LRP1B: variants seen among roughly 807,000 people sequenced by gnomAD.
LRP1B encodes the protein LDL receptor related protein 1B.
A neutral mutation model predicts 556.6 loss-of-function variants in LRP1B; 217 were observed. That is an observed-to-expected ratio of 0.39 (90% CI 0.35 to 0.44). LRP1B has a LOEUF of 0.44. Among genes scored for constraint, LRP1B ranks in the 20% least tolerant of loss-of-function variants. LRP1B has a pLI of 1.00. For missense variants in LRP1B, 5,053 were observed against 5,620.8 expected (o/e 0.90, Z 3.23); for synonymous variants, 2,047 against 1,865.8 (o/e 1.10, Z -2.50).
intron 1 of LRP1B, among the ~76,000 whole-genome samples, chr2:142,017,141 TAAG>T (rs1703174239): frequency 6.6e-6 from 1 of 151,826 alleles, no homozygotes; most frequent in Admixed American, 6.6e-5. Context: ...TTTAAAGAGG[TAAG>T]AAGGAGTAAT....
At chr2:140,701,933 A>G in intron 39 of LRP1B, 88 bp from the exon 40 acceptor site, 3 of 1,527,236 alleles carry the variant, frequency 2.0e-6, no homozygotes, top group Non-Finnish European at 2.7e-6. Context: ...CAGATGGACC[A>G]ACAGAAGGGA....
intron 1 of LRP1B, among the ~76,000 whole-genome samples, chr2:142,116,510 T>C (rs547104492): frequency 1.3e-5 from 2 of 152,180 alleles, no homozygotes; most frequent in South Asian, 2.1e-4. Flanking sequence ...GCAGTGAACA[T>C]TGCATCCTGG....
At chr2:141,624,813 A>T (rs1304144689) in intron 2 of LRP1B, among the ~76,000 whole-genome samples, 2 of 152,114 alleles carry the variant, frequency 1.3e-5, no homozygotes, top group African/African-American at 4.8e-5. Flanking sequence ...GCTGTCACCC[A>T]TGCTGGAGTG....
chr2:141,592,182 C>T (rs976916071), intron 2 of LRP1B, among the ~76,000 whole-genome samples: 5 of 152,118 alleles, frequency 3.3e-5, no homozygotes, highest in African/African-American at 1.2e-4. Flanking sequence ...GGCTTTCCTG[C>T]ATTTCATTTG....
intron 1 of LRP1B, among the ~76,000 whole-genome samples, chr2:142,028,662 GT>G (rs1703586180): frequency 6.6e-6 from 1 of 151,972 alleles, no homozygotes; most frequent in Admixed American, 6.6e-5. Context: ...GGTAACACAA[GT>G]TTAATTTCTC....
At chr2:140,592,772 C>A (rs188503427) in intron 43 of LRP1B, among the ~76,000 whole-genome samples, 27 of 152,098 alleles carry the variant, frequency 1.8e-4, no homozygotes, top group African/African-American at 6.5e-4. Context: ...AGACCCCCAT[C>A]ACTACTCAAA....
chr2:141,489,832 CT>C (rs1195136679), intron 2 of LRP1B, among the ~76,000 whole-genome samples: 4 of 152,142 alleles, frequency 2.6e-5, no homozygotes, highest in African/African-American at 9.6e-5. Flanking sequence ...ATTTGTTAAT[CT>C]GTATGATTAC....
rs536895813 is a variant in LRP1B, at chr2:141,780,563, C to T, written c.205+29716G>A. On this transcript the variant is annotated intron_variant, in intron 2 of 90. Coordinates refer to ENST00000389484, the MANE Select transcript of LRP1B (RefSeq NM_018557.3). ...CTTGATGGTGTAAATTCTCCCACCA[C>T]GGGCTATTTTAAGCTATCGCGTGGC... 2.6e-4 allele frequency among the ~76,000 whole-genome samples: 39 copies of T among 152,260 alleles called. 1 individual carries two copies. The highest frequency in any genetic ancestry group is 2.1e-3 in the South Asian group (10 of 4,812).
intron 67 of LRP1B, among the ~76,000 whole-genome samples, chr2:140,382,698 C>G (rs569275444): frequency 1.3e-4 from 20 of 152,280 alleles, no homozygotes; most frequent in African/African-American, 4.6e-4. Flanking sequence ...TATTTGAACT[C>G]TTCCCATATC....
At chr2:141,809,728 T>C (rs1160181662) in intron 2 of LRP1B, among the ~76,000 whole-genome samples, 1 of 124,916 alleles carries the variant, frequency 8.0e-6, no homozygotes, top group Non-Finnish European at 1.7e-5. Flanking sequence ...ACTCTATGAA[T>C]GGATAAAGTT....
intron 2 of LRP1B, among the ~76,000 whole-genome samples, chr2:141,676,247 T>C (rs997620140): frequency 6.6e-6 from 1 of 152,108 alleles, no homozygotes; most frequent in Non-Finnish European, 1.5e-5. Context: ...TTCATGTTTG[T>C]ATCCCCAGTG....
rs149990828 is a variant in LRP1B, at chr2:140,793,785, T to TA, written c.5360-17548dup. Among the ~76,000 whole-genome samples the TA allele has an allele frequency of 2.2e-4, 33 of 152,148 alleles. No homozygotes were observed. In the East Asian group the frequency reaches 6.2e-3, roughly 28 times the overall value. ...ATTATGTCATAGCAACTCAGCACTTTAAATTGGACAGGAAACCTGCTAGCT... is the reference window on the plus strand; with the variant it reads ...ATTATGTCATAGCAACTCAGCACTTTAAAATTGGACAGGAAACCTGCTAGCT... On this transcript the variant is annotated intron_variant, in intron 32 of 90. Transcript: ENST00000389484.
intron 35 of LRP1B, among the ~76,000 whole-genome samples, chr2:140,746,830 A>G (rs1424670854): frequency 1.3e-5 from 2 of 152,108 alleles, no homozygotes; most frequent in Admixed American, 1.3e-4. Flanking sequence ...CTTTCAGGGT[A>G]AACCTATGTT....
chr2:141,092,186 T>C (rs1700186076), intron 7 of LRP1B, among the ~76,000 whole-genome samples: 1 of 152,180 alleles, frequency 6.6e-6, no homozygotes. Flanking sequence ...CAGTTGACAA[T>C]AGTAAGTGCT....
chr2:141,200,448 G>T (rs879519832), intron 6 of LRP1B, among the ~76,000 whole-genome samples: 6 of 152,040 alleles, frequency 3.9e-5, no homozygotes, highest in Non-Finnish European at 7.4e-5. Context: ...TAATACCTAG[G>T]TGATGAAATC....
At chr2:140,329,747 A>AACAC (rs1216141360) in intron 79 of LRP1B, among the ~76,000 whole-genome samples, 1 of 151,914 alleles carries the variant, frequency 6.6e-6, no homozygotes, top group Non-Finnish European at 1.5e-5. Flanking sequence ...AACCAGAGAA[A>AACAC]ACACAAGATG....
At chr2:141,506,374 G>A (rs984268987) in intron 2 of LRP1B, among the ~76,000 whole-genome samples, 4 of 152,054 alleles carry the variant, frequency 2.6e-5, no homozygotes, top group Non-Finnish European at 5.9e-5. Context: ...TCCTTCTACA[G>A]AGTAGGTTGC....
At chr2:140,701,472 T>C (rs1054948787) in intron 40 of LRP1B, among the ~76,000 whole-genome samples, 1 of 152,070 alleles carries the variant, frequency 6.6e-6, no homozygotes. Context: ...CCAAAACCTA[T>C]AATCAAGACA....
At chr2:141,554,519 C>A (rs544922015) in intron 2 of LRP1B, among the ~76,000 whole-genome samples, 1 of 151,602 alleles carries the variant, frequency 6.6e-6, no homozygotes, top group Non-Finnish European at 1.5e-5. Flanking sequence ...TACATTTTTA[C>A]TATAACTTTA....
Sources: gnomAD v4.1 joint callset for allele counts (sites outside exome capture counted in the v4.1 genomes callset) on GRCh38, gnomAD v4.1.1 for gene constraint, MANE v1.5 for transcripts, NCBI Gene and HGNC (gene_info 2026-07-23, HGNC 2026-07-21) for gene names.